The following RIC3 variants were observed in gnomAD, a reference collection of about 807,000 sequenced individuals.
The protein encoded by RIC3 is protein RIC-3.
RIC3 carries 28 observed loss-of-function variants against 27.3 expected under a neutral mutation model. The ratio of observed to expected loss-of-function variants is 1.02; its 90% CI spans 0.76 to 1.41. The LOEUF is 1.41. Among genes scored for constraint, RIC3 ranks in the 40% most tolerant of loss-of-function variants. RIC3 has a pLI of 0.00. For missense variants in RIC3, 501 were observed against 444.7 expected (o/e 1.13, Z -1.14); for synonymous variants, 184 against 160.4 (o/e 1.15, Z -1.11).
intron 5 of RIC3, among the ~76,000 whole-genome samples, chr11:8,112,444 C>T (rs1945386608): frequency 6.6e-6 from 1 of 152,052 alleles, no homozygotes; most frequent in Non-Finnish European, 1.5e-5. Context: ...CAGGTGCATG[C>T]CACCACACCT....
At chr11:8,096,739 G>A in the RIC3 span, 1 of 1,614,098 alleles carries the variant, frequency 6.2e-7, no homozygotes, top group Admixed American at 1.7e-5. Context: ...GAGGAGAATA[G>A]CTCCAGCTCC....
chr11:8,157,382 T>C (rs1950757876), intron 1 of RIC3, among the ~76,000 whole-genome samples: 1 of 152,194 alleles, frequency 6.6e-6, no homozygotes, highest in Non-Finnish European at 1.5e-5. Context: ...AAGTACCACA[T>C]CCTTAAACCA....
intron 5 of RIC3, among the ~76,000 whole-genome samples, chr11:8,112,722 A>G (rs1369149283): frequency 6.6e-6 from 1 of 152,232 alleles, no homozygotes; most frequent in Admixed American, 6.5e-5. Context: ...GGCATTTGAA[A>G]GTTGGTTGCA....
At chr11:8,165,546 G>A (rs1031532110) in intron 1 of RIC3, among the ~76,000 whole-genome samples, 4 of 152,086 alleles carry the variant, frequency 2.6e-5, no homozygotes, top group African/African-American at 9.7e-5. Flanking sequence ...GGGGATTTGT[G>A]GAGTAATAGC....
Position 8,142,970 on chromosome 11 carries a change from T to C in RIC3, c.125-2777A>G, listed in dbSNP as rs1186900201. Among the ~76,000 whole-genome samples, 222 of 93,826 alleles carry C rather than the reference T, an allele frequency of 2.4e-3. 2 individuals are homozygous for C. Among genetic ancestry groups the C allele is most frequent in the South Asian group, 0.011 (31 of 2,732 alleles). 61.6% of individuals were successfully genotyped at this position (93,826 alleles called of 152,430 possible). A position where few individuals can be genotyped will look rare whatever the true frequency, so the allele number is the denominator to read the frequency against. ...GATGCAGAAAAAGCCTTTGACAAAATTCAACAACCCTTCATGCTAAAAACT... is the reference window on the plus strand; with the variant it reads ...GATGCAGAAAAAGCCTTTGACAAAACTCAACAACCCTTCATGCTAAAAACT... On this transcript the variant is annotated intron_variant, in intron 1 of 5. Transcript: ENST00000309737.
intron 1 of RIC3, among the ~76,000 whole-genome samples, chr11:8,152,983 A>G (rs912748625): frequency 6.6e-6 from 1 of 152,246 alleles, no homozygotes; most frequent in Non-Finnish European, 1.5e-5. Flanking sequence ...TCAAAAAGCA[A>G]TGCTGAATAA....
At chr11:8,151,686 G>A (rs1176713615) in intron 1 of RIC3, among the ~76,000 whole-genome samples, 1 of 151,600 alleles carries the variant, frequency 6.6e-6, no homozygotes, top group Non-Finnish European at 1.5e-5. Flanking sequence ...GGCTGAGGTG[G>A]GCAGATCATT....
In RIC3 at chr11:8,107,226, T is replaced by C. The variant is rs1031042484; in HGVS notation, c.*3472A>G. ...ATAGCTAAAGCACTAAATTTTTCTT[T>C]GGAATACAAATAGTCCAGATTGAAG... is the stretch of plus-strand genomic sequence containing the variant. On this transcript the variant is annotated 3_prime_UTR_variant, in exon 6 of 6. Coordinates refer to ENST00000309737, the MANE Select transcript of RIC3 (RefSeq NM_001206671.4). 5 of 152,232 alleles carry C rather than the reference T, an allele frequency of 3.3e-5. No individual in the cohort carries two copies. The highest frequency in any genetic ancestry group is 1.2e-4 in the African/African-American group (5 of 41,468). 9.4% of individuals were successfully genotyped at this position (152,232 alleles called of 1,614,324 possible).
At chr11:8,119,742 A>G (rs1233207811) in intron 5 of RIC3, among the ~76,000 whole-genome samples, 2 of 152,228 alleles carry the variant, frequency 1.3e-5, no homozygotes, top group South Asian at 2.1e-4. Flanking sequence ...AGAAACTACC[A>G]TCAGAGTGAA....
chr11:8,134,280 A>T (rs1385446244), intron 4 of RIC3, among the ~76,000 whole-genome samples: 1 of 152,172 alleles, frequency 6.6e-6, no homozygotes, highest in Non-Finnish European at 1.5e-5. Flanking sequence ...TTTGCTGAGA[A>T]TGATGGTTTC....
chr11:8,133,736 G>A (rs934678729), intron 4 of RIC3, among the ~76,000 whole-genome samples: 4 of 152,182 alleles, frequency 2.6e-5, no homozygotes, highest in African/African-American at 7.2e-5. Context: ...CATAAAAAAG[G>A]AGACATAAAT....
rs775176749 is a variant in RIC3 at position 8,140,158 on chromosome 11, G to T, written c.160C>A (p.His54Asn). 6.2e-7 allele frequency: 1 copy of T among 1,614,000 alleles called. No individual in the cohort carries two copies. The highest frequency in any genetic ancestry group is 8.5e-7 in the Non-Finnish European group (1 of 1,179,998). ...LGRFPPMMHH[H>N]QAPSDGQTPG... is the part of the protein sequence containing the mutation. ...GTCTGGCCATCTGAGGGTGCCTGGTGATGATGCATCATAGGTGGAAATCGG... is the reference window on the plus strand; with the variant it reads ...GTCTGGCCATCTGAGGGTGCCTGGTTATGATGCATCATAGGTGGAAATCGG... Residue 54 changes from histidine to asparagine, a missense_variant, in exon 2 of 6, where the codon CAC (histidine) becomes AAC (asparagine). Physicochemically the swap from His to Asn is moderately conservative, Grantham distance 68 (BLOSUM62 1). Transcript: ENST00000309737.
intron 1 of RIC3, among the ~76,000 whole-genome samples, chr11:8,140,675 C>T (rs1329828028): frequency 6.6e-6 from 1 of 152,196 alleles, no homozygotes; most frequent in Non-Finnish European, 1.5e-5. Context: ...TCCACTGCTG[C>T]CACCTCACTA....
chr11:8,094,140 A>T, the RIC3 span: 1 of 1,614,110 alleles, frequency 6.2e-7, no homozygotes, highest in Non-Finnish European at 8.5e-7. Context: ...CAGCTACAGC[A>T]GGGGGCCAGG....
rs201131362 is a variant in RIC3, at chr11:8,124,108, A to AAAGC, written c.670+2547_670+2550dup. Among the ~76,000 whole-genome samples the AAAGC allele has an allele frequency of 8.3e-3, 1,248 of 150,722 alleles. 6 individuals carry two copies. The highest frequency in any genetic ancestry group is 0.013 in the Non-Finnish European group (863 of 67,670). Reference sequence around the variant, plus strand: ...GAAAGAAAAAGAAAAAGAAAAAGAGAAAGCAAGCAAGCAAGCAAGCAAGCA... The same window carrying AAAGC: ...GAAAGAAAAAGAAAAAGAAAAAGAGAAAGCAAGCAAGCAAGCAAGCAAGCAAGCA... On this transcript the variant is annotated intron_variant, in intron 5 of 5. Transcript: ENST00000309737.
At chr11:8,130,769 G>T (rs537828703) in intron 4 of RIC3, among the ~76,000 whole-genome samples, 1 of 152,018 alleles carries the variant, frequency 6.6e-6, no homozygotes, top group Non-Finnish European at 1.5e-5. Flanking sequence ...TGTGTTGTGG[G>T]GGGGAGAGAG....
At chr11:8,147,655 C>A (rs1452369349) in intron 1 of RIC3, among the ~76,000 whole-genome samples, 3 of 151,916 alleles carry the variant, frequency 2.0e-5, no homozygotes, top group African/African-American at 7.3e-5. Context: ...TGAAATAAAA[C>A]CCCTCTGATG....
intron 1 of RIC3, among the ~76,000 whole-genome samples, chr11:8,144,189 G>T (rs9704013): frequency 0.51 from 76,440 of 151,014 alleles, 21,989 homozygotes; most frequent in African/African-American, 0.79. Context: ...GGGATCTAAT[G>T]AAACTAAAGA....
Position 8,133,346 on chromosome 11 carries a change from C to T in RIC3, c.521+4032G>A, listed in dbSNP as rs139076103. 4.6e-5 allele frequency among the ~76,000 whole-genome samples: 7 copies of T among 152,274 alleles called. No individual in the cohort carries two copies. In the East Asian group the frequency reaches 5.8e-4, roughly 13 times the overall value. ...TTCAGTTATACCAACAGAAAACATA[C>T]GAACATATGGGCTGCCTAGCCCTTA... On this transcript the variant is annotated intron_variant, in intron 4 of 5. Transcript: ENST00000309737.
Sources: gnomAD v4.1 joint callset for allele counts (sites outside exome capture counted in the v4.1 genomes callset) on GRCh38, gnomAD v4.1.1 for gene constraint, MANE v1.5 for transcripts, NCBI Gene and HGNC (gene_info 2026-07-23, HGNC 2026-07-21) for gene names.